The following STK32B variants were observed in gnomAD, a reference collection of about 807,000 sequenced individuals.
STK32B encodes the protein serine/threonine-protein kinase 32B.
Under a neutral mutation model 52.6 loss-of-function variants are expected in STK32B, and 43 were observed. The ratio of observed to expected loss-of-function variants is 0.82; its 90% CI spans 0.64 to 1.05. The LOEUF is 1.05. Among genes scored for constraint, STK32B ranks in the 50% least tolerant of loss-of-function variants. The pLI, the probability that STK32B is intolerant of heterozygous loss-of-function variation, is 0.00. For synonymous variants in STK32B, 238 were observed against 204.3 expected (o/e 1.17, Z -1.41); for missense variants, 621 against 534.6 (o/e 1.16, Z -1.59).
intron 3 of STK32B, among the ~76,000 whole-genome samples, chr4:5,257,212 C>G (rs1474003805): frequency 6.6e-6 from 1 of 150,788 alleles, no homozygotes; most frequent in Non-Finnish European, 1.5e-5. Flanking sequence ...AGTGAGTGAG[C>G]AAGTGATTAT....
chr4:5,352,622 A>T (rs1189480428), intron 4 of STK32B, among the ~76,000 whole-genome samples: 1 of 151,284 alleles, frequency 6.6e-6, no homozygotes, highest in Non-Finnish European at 1.5e-5. Context: ...AGAAATAAAA[A>T]AAAAAAAAAC....
chr4:5,122,392 A>T (rs1449143042), intron 1 of STK32B, among the ~76,000 whole-genome samples: 4 of 150,482 alleles, frequency 2.7e-5, no homozygotes, highest in Non-Finnish European at 5.9e-5. Flanking sequence ...TCACTCACTC[A>T]TTCATTCACT....
intron 11 of STK32B, among the ~76,000 whole-genome samples, chr4:5,489,619 T>A (rs566187523): frequency 7.9e-5 from 12 of 151,966 alleles, no homozygotes; most frequent in African/African-American, 1.2e-4. Flanking sequence ...TTTATTTTAT[T>A]TATTTTTTAT....
intron 2 of STK32B, among the ~76,000 whole-genome samples, chr4:5,157,732 A>C (rs1404153938): frequency 6.6e-6 from 1 of 152,224 alleles, no homozygotes; most frequent in African/African-American, 2.4e-5. Flanking sequence ...GAACTGAATG[A>C]GTTAATTAGC....
chr4:5,445,267 G>A (rs1382515372), intron 6 of STK32B, among the ~76,000 whole-genome samples: 9 of 152,230 alleles, frequency 5.9e-5, no homozygotes, highest in Non-Finnish European at 8.8e-5. Context: ...CCCAGCCAGC[G>A]CCCCCAGGTC....
chr4:5,334,504 C>A lies in STK32B; in HGVS notation c.434+3111C>A, dbSNP rs189258749. Among the ~76,000 whole-genome samples, 470 of 152,276 alleles carry A rather than the reference C, an allele frequency of 3.1e-3. 2 individuals carry two copies. The highest frequency in any genetic ancestry group is 0.011 in the African/African-American group (456 of 41,550). On this transcript the variant is annotated intron_variant, in intron 4 of 11. Transcript: ENST00000282908. Reference sequence around the variant, plus strand: ...TGCCTAATTGCCCTGGCCAGAACTTCCAACACTATGTTAACAGGAGTGGTG... The same window carrying A: ...TGCCTAATTGCCCTGGCCAGAACTTACAACACTATGTTAACAGGAGTGGTG...
At chr4:5,251,529 G>A (rs942653512) in intron 3 of STK32B, among the ~76,000 whole-genome samples, 1 of 152,092 alleles carries the variant, frequency 6.6e-6, no homozygotes, top group South Asian at 2.1e-4. Flanking sequence ...CTCCAGTTTT[G>A]TTCTTTTTGC....
At chr4:5,308,565 A>G (rs569347398) in intron 3 of STK32B, among the ~76,000 whole-genome samples, 1 of 152,330 alleles carries the variant, frequency 6.6e-6, no homozygotes, top group African/African-American at 2.4e-5. Context: ...AGCATCAGAA[A>G]GTTAGCGTCA....
At chr4:5,472,536 C>T (rs922234736) in intron 11 of STK32B, among the ~76,000 whole-genome samples, 1 of 152,136 alleles carries the variant, frequency 6.6e-6, no homozygotes, top group Admixed American at 6.5e-5. Context: ...ACCAGGGGGC[C>T]CATCCTCCTA....
intron 11 of STK32B, among the ~76,000 whole-genome samples, chr4:5,471,216 C>T (rs1046683096): frequency 2.0e-5 from 3 of 152,146 alleles, no homozygotes; most frequent in South Asian, 2.1e-4. Flanking sequence ...AAAGATATGT[C>T]GAAGCCCTAA....
intron 3 of STK32B, among the ~76,000 whole-genome samples, chr4:5,237,869 C>T (rs1010691427): frequency 6.6e-6 from 1 of 152,072 alleles, no homozygotes; most frequent in Non-Finnish European, 1.5e-5. Flanking sequence ...TGTCCTTTTC[C>T]CCATCTGACT....
At chr4:5,102,802 C>G (rs1262964295) in intron 1 of STK32B, among the ~76,000 whole-genome samples, 1 of 150,124 alleles carries the variant, frequency 6.7e-6, no homozygotes. Context: ...CTCAGCCTCC[C>G]AAAGTGCTGG....
rs868517352 is a variant in STK32B, at chr4:5,496,230, T to C, written c.1107-2715T>C. 9.0e-4 allele frequency among the ~76,000 whole-genome samples: 137 copies of C among 152,350 alleles called. 1 individual carries two copies. In the Middle Eastern group the frequency reaches 0.014, roughly 15 times the overall value. On this transcript the variant is annotated intron_variant, in intron 11 of 11. Coordinates refer to ENST00000282908, the MANE Select transcript of STK32B (RefSeq NM_018401.3). ...CCTCCTTGAGCTGTGGTGGGCTCCA[T>C]CCAGTTCCAGCTTCCAGGCCACTTT...
chr4:5,122,464 T>TGTTAACTCCTTCACTC (rs1316726042), intron 1 of STK32B, among the ~76,000 whole-genome samples: 1 of 152,062 alleles, frequency 6.6e-6, no homozygotes, highest in Non-Finnish European at 1.5e-5. Context: ...TCCATTCAGT[T>TGTTAACTCCTTCACTC]GTTAACTCCT....
intron 4 of STK32B, among the ~76,000 whole-genome samples, chr4:5,342,370 A>G (rs1733143093): frequency 2.0e-5 from 3 of 152,360 alleles, no homozygotes; most frequent in South Asian, 2.1e-4. Context: ...CTATGCAGCC[A>G]TAAAAAAGGA....
At chr4:5,478,170 C>G (rs376700734) in intron 11 of STK32B, among the ~76,000 whole-genome samples, 1 of 152,146 alleles carries the variant, frequency 6.6e-6, no homozygotes, top group African/African-American at 2.4e-5. Context: ...GGGCCTGGTT[C>G]ACTTTTCTCC....
rs1717706580 is a variant in STK32B, at chr4:5,469,690, C to T, written c.1106+1620C>T. ...GGGTGCCCAGATCAGCACAGACACACACACCAGGCTTGGGCAGCAAGCCTC... is the reference window on the plus strand; with the variant it reads ...GGGTGCCCAGATCAGCACAGACACATACACCAGGCTTGGGCAGCAAGCCTC... On this transcript the variant is annotated intron_variant, in intron 11 of 11. Coordinates refer to ENST00000282908, the MANE Select transcript of STK32B (RefSeq NM_018401.3). This position sits in a 1 kb window ranked among gnomAD's most constrained non-coding sequence, Gnocchi z 4.7. Among the ~76,000 whole-genome samples the T allele has an allele frequency of 6.6e-6, 1 of 152,216 alleles. No homozygotes were observed. The highest frequency in any genetic ancestry group is 1.5e-5 in the Non-Finnish European group (1 of 68,036).
chr4:5,446,956 C>T, intron 7 of STK32B, 180 bp downstream of exon 7: 1 of 580,280 alleles, frequency 1.7e-6, no homozygotes, highest in Non-Finnish European at 3.1e-6. Flanking sequence ...ACTTCTGGTC[C>T]AACCCACTCA....
chr4:5,346,549 T>C (rs1733470152), intron 4 of STK32B, among the ~76,000 whole-genome samples: 1 of 152,088 alleles, frequency 6.6e-6, no homozygotes, highest in Non-Finnish European at 1.5e-5. Context: ...CAGGGAGGGA[T>C]TGGGGTCACC....
Sources: allele counts gnomAD v4.1 joint callset (sites outside exome capture counted in the v4.1 genomes callset), GRCh38; gene constraint gnomAD v4.1.1; non-coding constraint Gnocchi (gnomAD v3.1); transcripts MANE v1.5; gene names NCBI Gene and HGNC (gene_info 2026-07-23, HGNC 2026-07-21).